MAF: variants seen among roughly 807,000 people sequenced by gnomAD.
MAF encodes the protein MAF bZIP transcription factor.
A neutral mutation model predicts 22.0 loss-of-function variants in MAF; 10 were observed. The ratio of observed to expected loss-of-function variants is 0.45; its 90% CI spans 0.28 to 0.77. MAF has a LOEUF of 0.77. Among genes scored for constraint, MAF ranks in the 30% least tolerant of loss-of-function variants. The pLI, the probability that MAF is intolerant of heterozygous loss-of-function variation, is 0.12. For synonymous variants in MAF, 337 were observed against 255.8 expected (o/e 1.32, Z -3.03); for missense variants, 544 against 548.4 (o/e 0.99, Z 0.08).
At chr16:79,335,147 T>G in the MAF span, among the ~76,000 whole-genome samples, 1 of 144,732 alleles carries the variant, frequency 6.9e-6, no homozygotes, top group Admixed American at 7.2e-5. Context: ...ATCGCGCCAC[T>G]GCACTCCAGC....
chr16:79,522,386 C>T, the MAF span, among the ~76,000 whole-genome samples: 11 of 152,296 alleles, frequency 7.2e-5, no homozygotes, highest in Middle Eastern at 3.4e-3. Context: ...ACCTTCCCCA[C>T]GCCCCACCAC....
the MAF span, among the ~76,000 whole-genome samples, chr16:79,375,272 A>T: frequency 6.6e-6 from 1 of 152,226 alleles, no homozygotes. Flanking sequence ...TTCTGCCTAC[A>T]TAAAAGGGTT....
At chr16:79,437,091 G>C in the MAF span, among the ~76,000 whole-genome samples, 1 of 152,006 alleles carries the variant, frequency 6.6e-6, no homozygotes, top group Non-Finnish European at 1.5e-5. Context: ...CATCTGCCCT[G>C]CCCACTCTCA....
the MAF span, among the ~76,000 whole-genome samples, chr16:79,327,377 T>A: frequency 1.3e-5 from 2 of 152,164 alleles, no homozygotes; most frequent in Non-Finnish European, 2.9e-5. Flanking sequence ...TGCTTTATAT[T>A]CTTAAAGCGC....
the MAF span, among the ~76,000 whole-genome samples, chr16:79,254,051 T>C: frequency 2.6e-5 from 4 of 151,952 alleles, no homozygotes; most frequent in Non-Finnish European, 2.9e-5. Context: ...TAAAAAACTC[T>C]TTATATGTTA....
the MAF span, among the ~76,000 whole-genome samples, chr16:79,551,449 T>C: frequency 2.6e-5 from 4 of 152,120 alleles, no homozygotes; most frequent in Non-Finnish European, 5.9e-5. Flanking sequence ...CAAGCTTGAG[T>C]CCCACTCTCT....
the MAF span, among the ~76,000 whole-genome samples, chr16:79,264,732 TACAAATGTCTA>T: frequency 1.3e-5 from 2 of 152,328 alleles, no homozygotes; most frequent in East Asian, 3.9e-4. Flanking sequence ...ATCTCCCAGA[TACAAATGTCTA>T]ACCTCTAGGA....
chr16:79,491,813 G>T, the MAF span, among the ~76,000 whole-genome samples: 1 of 152,144 alleles, frequency 6.6e-6, no homozygotes, highest in Non-Finnish European at 1.5e-5. Context: ...GGAAGTAGGT[G>T]ATTGAGAATC....
the MAF span, among the ~76,000 whole-genome samples, chr16:79,569,020 C>G: frequency 6.6e-6 from 1 of 152,302 alleles, no homozygotes. Flanking sequence ...TTAAGCATGT[C>G]TACCATGTAC....
the MAF span, among the ~76,000 whole-genome samples, chr16:79,357,253 C>CACAACAACA: frequency 2.6e-3 from 387 of 146,068 alleles, 2 homozygotes; most frequent in East Asian, 0.016. Context: ...AAGACTCTGT[C>CACAACAACA]ACAACAACAA....
At chr16:79,508,089 C>T in the MAF span, among the ~76,000 whole-genome samples, 4 of 152,092 alleles carry the variant, frequency 2.6e-5, no homozygotes, top group Non-Finnish European at 4.4e-5. Context: ...GTCTCCACCA[C>T]GGGGAAGGAA....
At chr16:79,476,046 T>C in the MAF span, among the ~76,000 whole-genome samples, 1 of 152,234 alleles carries the variant, frequency 6.6e-6, no homozygotes, top group African/African-American at 2.4e-5. Flanking sequence ...GGGCCTGACC[T>C]AACCAGGTGA....
chr16:79,333,317 T>A, the MAF span, among the ~76,000 whole-genome samples: 1 of 151,926 alleles, frequency 6.6e-6, no homozygotes, highest in Admixed American at 6.6e-5. Context: ...GGATCAGGGG[T>A]GGGTTAATCG....
chr16:79,320,729 AATGAT>A, the MAF span, among the ~76,000 whole-genome samples: 1 of 152,250 alleles, frequency 6.6e-6, no homozygotes, highest in African/African-American at 2.4e-5. Flanking sequence ...GTGAACATTA[AATGAT>A]ATAAAACTAT....
chr16:79,509,876 G>C, the MAF span, among the ~76,000 whole-genome samples: 166 of 152,298 alleles, frequency 1.1e-3, 3 homozygotes, highest in South Asian at 0.011. Context: ...TTGTCAGAGA[G>C]AGCCACATCC....
rs527805444 is a variant in MAF, at chr16:79,600,446, T to C, written c.-544A>G. The stretch of plus-strand genomic sequence containing the variant: ...TTGGCACGGGGGAGTTAACACTTCA[T>C]GCTTCTCGCCTCCTCTTCTGCTTGG... On this transcript the variant is annotated 5_prime_UTR_variant, in exon 1 of 2. An upstream start codon of the reference 5' UTR is lost. Transcript: ENST00000326043. 1.3e-4 allele frequency: 26 copies of C among 196,472 alleles called. No individual in the cohort carries two copies. In the East Asian group the frequency reaches 2.4e-3, roughly 18 times the overall value. The allele number at this position is 196,472 out of a possible 1,614,324, so 12.2% of individuals were successfully genotyped here.
the MAF span, among the ~76,000 whole-genome samples, chr16:79,507,359 G>A: frequency 7.9e-5 from 12 of 151,278 alleles, no homozygotes; most frequent in East Asian, 2.0e-4. Context: ...ATTGTGATCC[G>A]CCTGCCTTGG....
At chr16:79,445,270 C>T in the MAF span, among the ~76,000 whole-genome samples, 1 of 151,868 alleles carries the variant, frequency 6.6e-6, no homozygotes, top group South Asian at 2.1e-4. Context: ...GTCTGGATCT[C>T]CTGACCTCGT....
At chr16:79,389,449 G>C in the MAF span, among the ~76,000 whole-genome samples, 3,718 of 151,972 alleles carry the variant, frequency 0.024, 151 homozygotes, top group African/African-American at 0.085. Context: ...GTAGAGACAG[G>C]GTTTCACCAT....
Sources: gnomAD v4.1 joint callset for allele counts (sites outside exome capture counted in the v4.1 genomes callset) on GRCh38, gnomAD v4.1.1 for gene constraint, MANE v1.5 for transcripts, NCBI Gene and HGNC (gene_info 2026-07-23, HGNC 2026-07-21) for gene names.